EIF2AK4: variants seen among roughly 807,000 people sequenced by gnomAD.
EIF2AK4 encodes the protein eIF-2-alpha kinase GCN2.
EIF2AK4 carries 139 observed loss-of-function variants against 211.1 expected under a neutral mutation model. That is an observed-to-expected ratio of 0.66 (90% CI 0.57 to 0.76). The LOEUF is 0.76. Among genes scored for constraint, EIF2AK4 ranks in the 30% least tolerant of loss-of-function variants. The probability of loss-of-function intolerance (pLI) is 0.00; values close to 1 mark genes in which losing one functional copy is unlikely to be tolerated. For synonymous variants in EIF2AK4, 710 were observed against 751.3 expected (o/e 0.94, Z 0.90); for missense variants, 1,664 against 2,043.8 (o/e 0.81, Z 3.58).
At chr15:39,939,450 T>C in intron 1 of EIF2AK4, 55 bp from the exon 2 acceptor site, 1 of 1,078,944 alleles carries the variant, frequency 9.3e-7, no homozygotes, top group South Asian at 1.8e-5. Flanking sequence ...ATCTTAATCA[T>C]TAATGATTGG....
chr15:39,967,579 G>A lies in EIF2AK4; in HGVS notation c.1253G>A (p.Ser418Asn). 6.2e-7 allele frequency: 1 copy of A among 1,613,888 alleles called. No homozygotes were observed. The highest frequency in any genetic ancestry group is 8.5e-7 in the Non-Finnish European group (1 of 1,179,908). The change falls in exon 9 of 39, where the codon AGC (serine) becomes AAC (asparagine). Residue 418 changes from serine (S) to asparagine (N), a missense_variant. By Grantham distance (46) the Ser-to-Asn change is conservative (BLOSUM62 1). Around this residue, in one of 7 missense-constraint regions of EIF2AK4, gnomAD observed 641 missense variants for 729.6 expected, o/e 0.88. Coordinates refer to ENST00000263791, the MANE Select transcript of EIF2AK4 (RefSeq NM_001013703.4). Reference protein sequence around the residue: ...QLLSGLDYLHSNSVVHKVLSA... With the variant: ...QLLSGLDYLHNNSVVHKVLSA... Reference sequence around the variant, plus strand: ...CTGTCAGGCCTTGATTATCTGCACAGCAATTCTGTGGTGCATAAGGTCCTG... The same window carrying A: ...CTGTCAGGCCTTGATTATCTGCACAACAATTCTGTGGTGCATAAGGTCCTG...
chr15:39,946,595 G>A (rs1468524145), intron 3 of EIF2AK4: 1 of 701,516 alleles, frequency 1.4e-6, no homozygotes, highest in Non-Finnish European at 2.6e-6. Flanking sequence ...GCAGCAGCAG[G>A]GTTGGAGAGG....
intron 6 of EIF2AK4, 25 bp downstream of exon 6, chr15:39,955,793 G>A (rs761607760): frequency 1.3e-6 from 2 of 1,562,138 alleles, no homozygotes; most frequent in East Asian, 2.3e-5. Flanking sequence ...TTTCTGATCT[G>A]GGAGAATGAC....
At chr15:39,938,774 C>A (rs988615546) in intron 1 of EIF2AK4, among the ~76,000 whole-genome samples, 3 of 152,144 alleles carry the variant, frequency 2.0e-5, no homozygotes, top group African/African-American at 7.2e-5. Context: ...GGAGATGACA[C>A]CTGCCTTGCA....
At chr15:40,025,004 G>A (rs1304696327) in intron 32 of EIF2AK4, among the ~76,000 whole-genome samples, 1 of 152,142 alleles carries the variant, frequency 6.6e-6, no homozygotes, top group Admixed American at 6.5e-5. Flanking sequence ...CCCTCAGGCT[G>A]GGAGATTTAC....
At chr15:40,024,178 T>G (rs1468305057) in intron 32 of EIF2AK4, among the ~76,000 whole-genome samples, 1 of 152,004 alleles carries the variant, frequency 6.6e-6, no homozygotes, top group Non-Finnish European at 1.5e-5. Context: ...GGTTAGTGTT[T>G]ACGTCACTAC....
At chr15:39,994,684 G>A (rs1371055487) in intron 18 of EIF2AK4, among the ~76,000 whole-genome samples, 2 of 152,166 alleles carry the variant, frequency 1.3e-5, no homozygotes, top group Admixed American at 6.5e-5. Flanking sequence ...GGCTTGCAGT[G>A]GAGATTCAAG....
chr15:40,029,516 A>G (rs769045837), intron 34 of EIF2AK4, 52 bp downstream of exon 34: 87 of 1,571,280 alleles, frequency 5.5e-5, no homozygotes, highest in Non-Finnish European at 7.5e-5. Context: ...TGTTTGCTCT[A>G]AGCACTTATT....
intron 27 of EIF2AK4, among the ~76,000 whole-genome samples, chr15:40,013,321 CG>C (rs2035261846): frequency 6.6e-6 from 1 of 151,956 alleles, no homozygotes; most frequent in African/African-American, 2.4e-5. Context: ...TTTTTTATAG[CG>C]GGATAGCAGG....
In EIF2AK4 at chr15:39,934,141, C is replaced by T; in HGVS notation, c.-55C>T. ...GCGCGGAGCCCCGCCCCGCAGGCTGCCGGGGGCCCACCGCCGCCCAGGCAA... is the reference window on the plus strand; with the variant it reads ...GCGCGGAGCCCCGCCCCGCAGGCTGTCGGGGGCCCACCGCCGCCCAGGCAA... On this transcript the variant is annotated 5_prime_UTR_variant, in exon 1 of 39. Coordinates refer to ENST00000263791, the MANE Select transcript of EIF2AK4 (RefSeq NM_001013703.4). 8.0e-7 allele frequency: 1 copy of T among 1,251,466 alleles called. No homozygotes were observed. Among genetic ancestry groups the T allele is most frequent in the Non-Finnish European group, 1.0e-6 (1 of 1,002,992 alleles). The allele number at this position is 1,251,466 out of a possible 1,614,324, so 77.5% of individuals were successfully genotyped here.
At chr15:39,962,400 A>G (rs1197790311) in intron 7 of EIF2AK4, among the ~76,000 whole-genome samples, 3 of 152,266 alleles carry the variant, frequency 2.0e-5, no homozygotes, top group Non-Finnish European at 4.4e-5. Context: ...GTAGAATTTT[A>G]CATCATATAC....
Position 40,008,161 on chromosome 15 carries a change from T to C in EIF2AK4, c.3542T>C (p.Ile1181Thr), listed in dbSNP as rs2035186632. The C allele has an allele frequency of 6.2e-7, 1 of 1,608,916 alleles. No individual in the cohort carries two copies. The highest frequency in any genetic ancestry group is 8.5e-7 in the Non-Finnish European group (1 of 1,178,492). ...CCCACTGCTGAAATTATCTACACTA[T>C]CTATGAAATCATCCAAGAGTTTCCA... ...FLPTAEIIYT[I>T]YEIIQEFPAL... The change falls in exon 25 of 39, where the codon ATC becomes ACC. Residue 1181 changes from isoleucine (I) to threonine (T), a missense_variant. Ile to Thr is a moderately conservative substitution (Grantham distance 89). Around this residue, in one of 7 missense-constraint regions of EIF2AK4, gnomAD observed 622 missense variants for 796.8 expected, o/e 0.78. Coordinates refer to ENST00000263791, the MANE Select transcript of EIF2AK4 (RefSeq NM_001013703.4).
intron 8 of EIF2AK4, among the ~76,000 whole-genome samples, chr15:39,966,510 A>AAG (rs1555416301): frequency 6.6e-6 from 1 of 151,566 alleles, no homozygotes; most frequent in African/African-American, 2.4e-5. Flanking sequence ...CCAAAAAAAA[A>AAG]AAAAGAAAAG....
At chr15:40,000,406 A>T (rs1466052125) in intron 20 of EIF2AK4, among the ~76,000 whole-genome samples, 2 of 152,240 alleles carry the variant, frequency 1.3e-5, no homozygotes, top group Non-Finnish European at 2.9e-5. Context: ...AGAGGATTAA[A>T]CATCATTAAG....
In EIF2AK4 at chr15:39,963,720, G is replaced by A. The variant is rs539146027; in HGVS notation, c.859+1821G>A. Among the ~76,000 whole-genome samples the A allele has an allele frequency of 1.2e-4, 18 of 152,252 alleles. No homozygotes were observed. In the South Asian group the frequency reaches 3.3e-3, roughly 28 times the overall value. On this transcript the variant is annotated intron_variant, in intron 7 of 38. Transcript: ENST00000263791. ...GTGGGCATATAGGGTTTCAGTTAGA[G>A]TTCTTTTGATAATGTATTTTCTCTT...
Position 40,035,377 on chromosome 15 carries a change from G to GT in EIF2AK4, c.*293_*294insT. On this transcript the variant is annotated 3_prime_UTR_variant, in exon 39 of 39. Transcript: ENST00000263791. ...CCCAGCTACTCCAGAGGCTGAGATG[G>GT]ATCATCTGAGCCTCAGGAGGTTGAG... The GT allele has an allele frequency of 5.2e-6, 1 of 191,680 alleles. No individual in the cohort carries two copies. The highest frequency in any genetic ancestry group is 1.0e-5 in the Non-Finnish European group (1 of 95,486). The allele number at this position is 191,680 out of a possible 1,614,324, so 11.9% of individuals were successfully genotyped here.
intron 19 of EIF2AK4, 43 bp from the exon 20 acceptor site, chr15:39,998,687 TG>T: frequency 6.8e-7 from 1 of 1,477,304 alleles, no homozygotes; most frequent in Non-Finnish European, 9.4e-7. Flanking sequence ...GCTTTCACTG[TG>T]GCAGTCTGCC....
chr15:39,978,183 G>T, intron 13 of EIF2AK4, 36 bp downstream of exon 13: 1 of 1,252,420 alleles, frequency 8.0e-7, no homozygotes, highest in Non-Finnish European at 1.1e-6. Context: ...CATTTTATTC[G>T]TGATATAATT....
In EIF2AK4 at chr15:40,019,100, A is replaced by G. The variant is rs1234145049; in HGVS notation, c.4073A>G (p.Gln1358Arg). 1.6e-5 allele frequency: 25 copies of G among 1,604,294 alleles called. No individual in the cohort carries two copies. The highest frequency in any genetic ancestry group is 2.0e-5 in the Non-Finnish European group (23 of 1,175,118). Reference protein sequence around the residue: ...AGGRYDLLIPQFRGPQALGPV... With the variant: ...AGGRYDLLIPRFRGPQALGPV... Reference sequence around the variant, plus strand: ...GTTTGTGTCTCTCCACAGATTCCCCAGTTTAGAGGGCCACAAGCTCTGGGG... The same window carrying G: ...GTTTGTGTCTCTCCACAGATTCCCCGGTTTAGAGGGCCACAAGCTCTGGGG... Residue 1358 changes from glutamine (Q) to arginine (R), a missense_variant, in exon 30 of 39, where the codon CAG becomes CGG. Gln to Arg is a conservative substitution (Grantham distance 43, BLOSUM62 1). Transcript: ENST00000263791.
Sources: gnomAD v4.1 joint callset for allele counts (sites outside exome capture counted in the v4.1 genomes callset) on GRCh38, gnomAD v4.1.1 for gene constraint, gnomAD v4.1.1 regional missense constraint, MANE v1.5 for transcripts, NCBI Gene and HGNC (gene_info 2026-07-23, HGNC 2026-07-21) for gene names.